Variants in PCDHGB1 observed in about 807,000 individuals in gnomAD.
The protein encoded by PCDHGB1 is protocadherin gamma subfamily B, 1.
PCDHGB1 carries 34 observed loss-of-function variants against 56.6 expected under a neutral mutation model. That is an observed-to-expected ratio of 0.60 (90% CI 0.46 to 0.80). The LOEUF is 0.80. PCDHGB1 is among the 30% of genes least tolerant of loss of function. PCDHGB1 has a pLI of 0.00. For missense variants in PCDHGB1, 1,278 were observed against 1,204.6 expected, an observed-to-expected ratio of 1.06 and a Z score of -0.90; for synonymous variants, 561 against 505.9, an observed-to-expected ratio of 1.11 and a Z score of -1.46.
In PCDHGB1 at chr5:141,485,457, T is replaced by G; in HGVS notation, c.2410-9350T>G. 1 of 1,614,124 alleles carries G rather than the reference T, an allele frequency of 6.2e-7. No individual in the cohort carries two copies. Among genetic ancestry groups the G allele is most frequent in the Non-Finnish European group, 8.5e-7 (1 of 1,180,020 alleles). On this transcript the variant is annotated intron_variant, in intron 1 of 3. Coordinates refer to ENST00000523390, the MANE Select transcript of PCDHGB1 (RefSeq NM_018922.3). This position sits in a 1 kb window ranked among gnomAD's most constrained non-coding sequence, Gnocchi z 5.7. ...AAGAACCCAATCGACCGAGAGGCAC[T>G]GTGTGGGCTCAGTGCCAGCTGCATC...
intron 1 of PCDHGB1, chr5:141,410,291 G>A: frequency 1.2e-6 from 2 of 1,613,948 alleles, no homozygotes; most frequent in Non-Finnish European, 1.7e-6. Flanking sequence ...GGTGGCCTTG[G>A]CCTTAATCTC....
intron 1 of PCDHGB1, chr5:141,378,221 G>C (rs1378453601): frequency 6.6e-6 from 1 of 152,182 alleles, no homozygotes; most frequent in Non-Finnish European, 1.5e-5. Context: ...CTGTGTGCCT[G>C]ATAGTATTTA....
Position 141,432,809 on chromosome 5 carries a change from T to A in PCDHGB1, c.2410-61998T>A. ...CGGCAGCCTCGAGTCTCCAGCTAAC[T>A]CTGAAACCTCAGACCTCACTCTGTA... is the stretch of plus-strand genomic sequence containing the variant. On this transcript the variant is annotated intron_variant, in intron 1 of 3. Coordinates refer to ENST00000523390, the MANE Select transcript of PCDHGB1 (RefSeq NM_018922.3). This position sits in a 1 kb window ranked among gnomAD's most constrained non-coding sequence, Gnocchi z 6.0. The A allele has an allele frequency of 6.2e-7, 1 of 1,613,398 alleles. No homozygotes were observed. Among genetic ancestry groups the A allele is most frequent in the Non-Finnish European group, 8.5e-7 (1 of 1,179,980 alleles).
intron 1 of PCDHGB1, chr5:141,423,138 C>G (rs767107885): frequency 1.2e-6 from 2 of 1,613,606 alleles, no homozygotes; most frequent in Non-Finnish European, 1.7e-6. Flanking sequence ...TGGACAGAGA[C>G]GCGCTCAAGC....
Position 141,351,696 on chromosome 5 carries a change from C to A in PCDHGB1, c.1436C>A (p.Pro479His). Residue 479 changes from proline (P) to histidine (H), a missense_variant, in exon 1 of 4, where the codon CCC becomes CAC. Pro to His is a moderately conservative substitution (Grantham distance 77). Coordinates refer to ENST00000523390, the MANE Select transcript of PCDHGB1 (RefSeq NM_018922.3). ...QVSASDPDLG[P>H]NGRVSYSILA... Reference sequence around the variant, plus strand: ...AGCGCCTCCGACCCGGATTTGGGACCCAACGGCAGAGTCTCCTACTCTATT... The same window carrying A: ...AGCGCCTCCGACCCGGATTTGGGACACAACGGCAGAGTCTCCTACTCTATT... 1 of 1,613,976 alleles carries A rather than the reference C, an allele frequency of 6.2e-7. No homozygotes were observed. Among genetic ancestry groups the A allele is most frequent in the East Asian group, 2.2e-5 (1 of 44,884 alleles).
chr5:141,476,317 G>C lies in PCDHGB1; in HGVS notation c.2410-18490G>C, dbSNP rs759809060. The C allele has an allele frequency of 1.2e-6, 2 of 1,614,052 alleles. No homozygotes were observed. The highest frequency in any genetic ancestry group is 2.7e-5 in the African/African-American group (2 of 74,922). ...GTAGCCTCTCAGCCCGCAGGTTCCGGGTGGTGTCTGGAGCTAGCCGAAGAT... is the reference window on the plus strand; with the variant it reads ...GTAGCCTCTCAGCCCGCAGGTTCCGCGTGGTGTCTGGAGCTAGCCGAAGAT... On this transcript the variant is annotated intron_variant, in intron 1 of 3. Coordinates refer to ENST00000523390, the MANE Select transcript of PCDHGB1 (RefSeq NM_018922.3). The surrounding 1 kb of genome is among the most constrained non-coding windows in gnomAD (Gnocchi z 7.6).
chr5:141,357,187 G>C, intron 1 of PCDHGB1: 1 of 1,613,776 alleles, frequency 6.2e-7, no homozygotes, highest in South Asian at 1.1e-5. Flanking sequence ...ACTCACTGTG[G>C]CTGTGGCCGA....
intron 1 of PCDHGB1, chr5:141,395,256 T>G: frequency 6.4e-7 from 1 of 1,554,392 alleles, no homozygotes; most frequent in East Asian, 2.3e-5. Flanking sequence ...AGTTCTTTGC[T>G]TGCTTTTAAT....
At chr5:141,420,245 G>A (rs72790042) in intron 1 of PCDHGB1, 83,459 of 1,583,130 alleles carry the variant, frequency 0.053, 2,452 homozygotes, top group African/African-American at 0.1. Context: ...AACTCCCAGC[G>A]TTGAAGCAGA....
Position 141,477,464 on chromosome 5 carries a change from A to G in PCDHGB1, c.2410-17343A>G. The G allele has an allele frequency of 1.2e-6, 2 of 1,614,188 alleles. No homozygotes were observed. The highest frequency in any genetic ancestry group is 1.7e-6 in the Non-Finnish European group (2 of 1,180,034). On this transcript the variant is annotated intron_variant, in intron 1 of 3. Coordinates refer to ENST00000523390, the MANE Select transcript of PCDHGB1 (RefSeq NM_018922.3). This position sits in a 1 kb window ranked among gnomAD's most constrained non-coding sequence, Gnocchi z 4.9. ...AATAGTGCGTGTTCAAGTGTCCGAC[A>G]TCAATGACAACCCTCCACAATCTTC...
At chr5:141,434,515 G>A (rs1032584764) in intron 1 of PCDHGB1, among the ~76,000 whole-genome samples, 1 of 152,296 alleles carries the variant, frequency 6.6e-6, no homozygotes, top group African/African-American at 2.4e-5. Context: ...CTGCTTAAAG[G>A]TGTTCTTAAA....
chr5:141,511,351 C>T lies in PCDHGB1; in HGVS notation c.*178C>T. The T allele has an allele frequency of 3.6e-6, 5 of 1,386,550 alleles. No individual in the cohort carries two copies. Among genetic ancestry groups the T allele is most frequent in the South Asian group, 1.5e-5 (1 of 67,154 alleles). The allele number at this position is 1,386,550 out of a possible 1,614,324, so 85.9% of individuals were successfully genotyped here. On this transcript the variant is annotated 3_prime_UTR_variant, in exon 4 of 4. Transcript: ENST00000523390. ...CCAGTCAGCACCTACCCCTTCCCCC[C>T]CAGGGGGTTGAATATGCAAAAGCAG...
In PCDHGB1 at chr5:141,382,029, A is replaced by C. The variant is rs574099831; in HGVS notation, c.2409+29360A>C. 4.6e-4 allele frequency among the ~76,000 whole-genome samples: 70 copies of C among 151,618 alleles called. 2 individuals carry two copies. The South Asian group carries it at 0.013, about 28-fold the overall frequency. On this transcript the variant is annotated intron_variant, in intron 1 of 3. Coordinates refer to ENST00000523390, the MANE Select transcript of PCDHGB1 (RefSeq NM_018922.3). Reference sequence around the variant, plus strand: ...TTTTTAGTAGAGACGGGGTTTCTCCATGTTGGTCAGGCTGGTCTCAAGCTC... The same window carrying C: ...TTTTTAGTAGAGACGGGGTTTCTCCCTGTTGGTCAGGCTGGTCTCAAGCTC...
intron 1 of PCDHGB1, chr5:141,374,129 C>A: frequency 6.2e-7 from 1 of 1,603,566 alleles, no homozygotes; most frequent in South Asian, 1.1e-5. Flanking sequence ...GCAGGTCCTG[C>A]TCCTCACGCT....
intron 1 of PCDHGB1, chr5:141,355,056 T>A (rs1323351073): frequency 1.6e-6 from 2 of 1,231,662 alleles, no homozygotes; most frequent in Non-Finnish European, 2.2e-6. Flanking sequence ...AAGCACTGGC[T>A]CTGGAGCTTT....
In PCDHGB1 at chr5:141,476,101, A is replaced by G; in HGVS notation, c.2410-18706A>G. The G allele has an allele frequency of 6.3e-7, 1 of 1,576,386 alleles. No individual in the cohort carries two copies. Among genetic ancestry groups the G allele is most frequent in the East Asian group, 2.2e-5 (1 of 44,540 alleles). On this transcript the variant is annotated intron_variant, in intron 1 of 3. Coordinates refer to ENST00000523390, the MANE Select transcript of PCDHGB1 (RefSeq NM_018922.3). This position sits in a 1 kb window ranked among gnomAD's most constrained non-coding sequence, Gnocchi z 7.6. ...GACGATCTGGACCCCGCTGAGAGGA[A>G]CTGCTTTTGAGTGAGATGGTCCCAG... is the stretch of plus-strand genomic sequence containing the variant.
chr5:141,384,753 G>A, intron 1 of PCDHGB1: 2 of 1,614,010 alleles, frequency 1.2e-6, no homozygotes, highest in Non-Finnish European at 1.7e-6. Flanking sequence ...GACTCTTTGC[G>A]GTTGGGCTGT....
chr5:141,365,193 T>C (rs1349681128), intron 1 of PCDHGB1: 2 of 1,613,644 alleles, frequency 1.2e-6, no homozygotes, highest in Non-Finnish European at 1.7e-6. Context: ...GAAGAAAAAA[T>C]TTCGGAGACT....
At chr5:141,501,569 G>A (rs1401631416) in intron 2 of PCDHGB1, among the ~76,000 whole-genome samples, 3 of 151,998 alleles carry the variant, frequency 2.0e-5, no homozygotes, top group African/African-American at 7.2e-5. Flanking sequence ...AATCATATTA[G>A]GCTGGCTTTC....
Sources: gnomAD v4.1 joint callset for allele counts (sites outside exome capture counted in the v4.1 genomes callset) on GRCh38, gnomAD v4.1.1 for gene constraint, Gnocchi (gnomAD v3.1) non-coding constraint, MANE v1.5 for transcripts, NCBI Gene and HGNC (gene_info 2026-07-23, HGNC 2026-07-21) for gene names.